TIAM2: variants seen among roughly 807,000 people sequenced by gnomAD.
The protein encoded by TIAM2 is rho guanine nucleotide exchange factor TIAM2.
TIAM2 carries 80 observed loss-of-function variants against 152.9 expected under a neutral mutation model. The observed-to-expected ratio is 0.52, with a 90% CI of 0.44 to 0.63. The LOEUF (loss-of-function observed/expected upper bound fraction) is 0.63. Among genes scored for constraint, TIAM2 ranks in the 30% least tolerant of loss-of-function variants. The pLI, the probability that TIAM2 is intolerant of heterozygous loss-of-function variation, is 0.00. For missense variants in TIAM2, 1,965 were observed against 2,120.1 expected (o/e 0.93, Z 1.44); for synonymous variants, 804 against 838.0 (o/e 0.96, Z 0.70).
chr6:155,121,781 C>T (rs1339946720), intron 2 of TIAM2: 2 of 152,252 alleles, frequency 1.3e-5, no homozygotes, highest in Non-Finnish European at 2.9e-5. Context: ...ACTTGCGCTT[C>T]CTCTCACGGT....
Position 155,256,870 on chromosome 6 carries a change from C to G in TIAM2, c.4855C>G (p.Gln1619Glu). 1.2e-6 allele frequency: 2 copies of G among 1,614,178 alleles called. No homozygotes were observed. Among genetic ancestry groups the G allele is most frequent in the Non-Finnish European group, 1.7e-6 (2 of 1,180,032 alleles). The change falls in exon 27 of 27, where the codon CAG becomes GAG. Residue 1619 changes from glutamine to glutamate, a missense_variant. Transcript: ENST00000682666. ...GCCTGGCCCGGAGTCGGGTGAGGGTCAGAAAGGAGGAGAGCAGCCCAAACT... is the reference window on the plus strand; with the variant it reads ...GCCTGGCCCGGAGTCGGGTGAGGGTGAGAAAGGAGGAGAGCAGCCCAAACT... ...QQPGPESGEG[Q>E]KGGEQPKLVR...
At chr6:155,185,307 A>G (rs1258518612) in intron 14 of TIAM2, among the ~76,000 whole-genome samples, 1 of 151,188 alleles carries the variant, frequency 6.6e-6, no homozygotes, top group African/African-American at 2.4e-5. Context: ...CTGCGTTTTT[A>G]ATAGAGATGG....
At chr6:155,101,058 C>G (rs1000411491) in intron 2 of TIAM2, among the ~76,000 whole-genome samples, 2 of 152,088 alleles carry the variant, frequency 1.3e-5, no homozygotes. Flanking sequence ...TTCACACCAC[C>G]CCTGTTTTAG....
In TIAM2 at chr6:155,256,770, T is replaced by C; in HGVS notation, c.4755T>C (p.Thr1585=). 1 of 1,614,174 alleles carries C rather than the reference T, an allele frequency of 6.2e-7. No homozygotes were observed. The change falls in exon 27 of 27, where the codon ACT becomes ACC. Residue 1585 remains threonine, a synonymous_variant. Coordinates refer to ENST00000682666, the MANE Select transcript of TIAM2 (RefSeq NM_012454.4). ...AGACTGTGAAGCAGGGCAGCCCTAC[T>C]AAAGACATCGAAATTCAGTTCCAGA... The part of the protein sequence containing the change: ...HRQTVKQGSP[T]KDIEIQFQRL...
chr6:155,134,779 C>G (rs1779521626), intron 4 of TIAM2, among the ~76,000 whole-genome samples: 1 of 152,056 alleles, frequency 6.6e-6, no homozygotes, highest in Admixed American at 6.6e-5. Context: ...GATCTCTACT[C>G]ACTGCAACCT....
chr6:155,157,391 A>C (rs1030211213), intron 7 of TIAM2, among the ~76,000 whole-genome samples: 3 of 151,748 alleles, frequency 2.0e-5, no homozygotes, highest in Admixed American at 1.3e-4. Flanking sequence ...TAGATATAGC[A>C]CCCGTTTGTT....
intron 2 of TIAM2, among the ~76,000 whole-genome samples, chr6:155,103,186 T>C (rs1027438337): frequency 6.6e-6 from 1 of 152,150 alleles, no homozygotes. Context: ...ACGACTGTAG[T>C]TGGGCAGTCT....
At position 155,168,939 on chromosome 6, in the gene TIAM2, G is replaced by A. The variant is rs201509086; in HGVS notation, c.2361+3530G>A. 535 of 1,508,736 alleles carry A rather than the reference G, an allele frequency of 3.5e-4. 2 individuals carry two copies. The highest frequency in any genetic ancestry group is 1.5e-4 in the Non-Finnish European group (169 of 1,132,922). The allele number at this position is 1,508,736 out of a possible 1,614,324, so 93.5% of individuals were successfully genotyped here. ...GAGGTAAACTTTGCTATAGATGGCC[G>A]CCATCTTGTTTTACATGAATGACAC... On this transcript the variant is annotated intron_variant, in intron 9 of 26. Coordinates refer to ENST00000682666, the MANE Select transcript of TIAM2 (RefSeq NM_012454.4).
intron 2 of TIAM2, among the ~76,000 whole-genome samples, chr6:155,097,429 A>G (rs899072058): frequency 7.3e-5 from 11 of 151,648 alleles, no homozygotes; most frequent in Non-Finnish European, 1.5e-4. Context: ...GCAGCCTCAA[A>G]CTCCTGGGCT....
At chr6:155,122,528 T>TGGGGATTGGGAGGGAA (rs1562323346) in intron 2 of TIAM2, among the ~76,000 whole-genome samples, 1 of 151,980 alleles carries the variant, frequency 6.6e-6, no homozygotes, top group East Asian at 1.9e-4. Context: ...GGTAGGATTT[T>TGGGGATTGGGAGGGAA]TTTTTTTTGT....
intron 4 of TIAM2, among the ~76,000 whole-genome samples, chr6:155,131,424 C>G (rs1779442587): frequency 6.6e-6 from 1 of 151,592 alleles, no homozygotes; most frequent in Non-Finnish European, 1.5e-5. Flanking sequence ...TACTAGACCT[C>G]ATTCTTACAG....
intron 1 of TIAM2, among the ~76,000 whole-genome samples, chr6:155,080,285 G>T (rs142247684): frequency 6.6e-6 from 1 of 151,796 alleles, no homozygotes; most frequent in Non-Finnish European, 1.5e-5. Context: ...CCCTTGGACT[G>T]GTTGTCAGTG....
At chr6:155,245,754 A>AATTTT (rs780216593) in intron 19 of TIAM2, 23 bp downstream of exon 19, 8 of 562,950 alleles carry the variant, frequency 1.4e-5, no homozygotes, top group Middle Eastern at 8.5e-4. Context: ...TGCCTTTTAT[A>AATTTT]GTTTTTTTTT....
chr6:155,215,564 G>A (rs1376747571), intron 15 of TIAM2, among the ~76,000 whole-genome samples: 1 of 152,090 alleles, frequency 6.6e-6, no homozygotes, highest in Non-Finnish European at 1.5e-5. Context: ...TAAATACCTA[G>A]CAGTTACTCA....
chr6:155,126,283 G>A lies in TIAM2; in HGVS notation c.-117-1207G>A, dbSNP rs528203363. On this transcript the variant is annotated intron_variant, in intron 2 of 26. Coordinates refer to ENST00000682666, the MANE Select transcript of TIAM2 (RefSeq NM_012454.4). Reference sequence around the variant, plus strand: ...TAGAGTCCTCAAATTCATAGAGGCAGAAAGTAGAATGACAGTTGCCAGGGG... The same window carrying A: ...TAGAGTCCTCAAATTCATAGAGGCAAAAAGTAGAATGACAGTTGCCAGGGG... Among the ~76,000 whole-genome samples, 3 of 152,360 alleles carry A rather than the reference G, an allele frequency of 2.0e-5. No homozygotes were observed. In the East Asian group the frequency reaches 5.8e-4, roughly 29 times the overall value.
chr6:155,214,197 G>C lies in TIAM2; in HGVS notation c.3168+2890G>C. On this transcript the variant is annotated intron_variant, in intron 15 of 26. Transcript: ENST00000682666. This position sits in a 1 kb window ranked among gnomAD's most constrained non-coding sequence, Gnocchi z 5.4. ...GCTTCCACATTCTCAGCTCCTGCTG[G>C]CTCCATGGAACGCACAGCGCTGGCC... Among the ~76,000 whole-genome samples, 1 of 152,250 alleles carries C rather than the reference G, an allele frequency of 6.6e-6. No homozygotes were observed. The highest frequency in any genetic ancestry group is 1.9e-4 in the East Asian group (1 of 5,194).
At chr6:155,179,505 C>A (rs765538625) in intron 12 of TIAM2, 49 bp downstream of exon 12, 21 of 1,522,296 alleles carry the variant, frequency 1.4e-5, no homozygotes, top group Middle Eastern at 1.7e-4. Flanking sequence ...TTCATCTTTG[C>A]CTACTTTGCC....
intron 6 of TIAM2, among the ~76,000 whole-genome samples, chr6:155,147,870 C>G (rs1008179516): frequency 5.9e-5 from 9 of 152,166 alleles, no homozygotes; most frequent in Non-Finnish European, 1.5e-5. Context: ...GGCTAGCACT[C>G]GTTTCTGGTT....
intron 1 of TIAM2, among the ~76,000 whole-genome samples, chr6:155,076,119 C>T (rs1003824557): frequency 1.3e-5 from 2 of 152,076 alleles, no homozygotes; most frequent in Admixed American, 6.6e-5. Context: ...TTTCCACTTG[C>T]GGTGTCATGT....
Sources: gnomAD v4.1 joint callset for allele counts (sites outside exome capture counted in the v4.1 genomes callset) on GRCh38, gnomAD v4.1.1 for gene constraint, Gnocchi (gnomAD v3.1) non-coding constraint, MANE v1.5 for transcripts, NCBI Gene and HGNC (gene_info 2026-07-23, HGNC 2026-07-21) for gene names.